The following RCOR1 variants were observed in gnomAD, a reference collection of about 807,000 sequenced individuals.
RCOR1 encodes the protein REST corepressor.
A neutral mutation model predicts 64.0 loss-of-function variants in RCOR1; 12 were observed. The observed-to-expected ratio is 0.19, with a 90% CI of 0.12 to 0.30. RCOR1 has a LOEUF of 0.30. RCOR1 is among the 10% of genes least tolerant of loss of function. RCOR1 has a pLI of 1.00. For missense variants in RCOR1, 502 were observed against 621.2 expected, an observed-to-expected ratio of 0.81 and a Z score of 2.04; for synonymous variants, 279 against 227.2, an observed-to-expected ratio of 1.23 and a Z score of -2.05.
chr14:102,610,635 T>C (rs528420400), intron 2 of RCOR1, among the ~76,000 whole-genome samples: 1 of 152,272 alleles, frequency 6.6e-6, no homozygotes, highest in East Asian at 1.9e-4. Context: ...CCATCTCAGC[T>C]TACTGCAAGC....
chr14:102,730,067 A>G lies in RCOR1; in HGVS notation c.*3561A>G. On this transcript the variant is annotated 3_prime_UTR_variant, in exon 12 of 12. Transcript: ENST00000262241. ...TAAAGCACAATTGCAGTGGCGTCGC[A>G]TTCAGAAGAAGGGAAGGTCAGCAGA... 2.5e-6 allele frequency: 1 copy of G among 399,074 alleles called. No homozygotes were observed. The highest frequency in any genetic ancestry group is 4.4e-6 in the Non-Finnish European group (1 of 226,078). The allele number at this position is 399,074 out of a possible 1,614,324, so 24.7% of individuals were successfully genotyped here.
intron 2 of RCOR1, among the ~76,000 whole-genome samples, chr14:102,617,995 C>G (rs1893799225): frequency 8.3e-6 from 1 of 120,442 alleles, no homozygotes; most frequent in South Asian, 2.7e-4. Context: ...TTTTGTGAGA[C>G]AGAGTCTTGC....
chr14:102,712,209 C>T (rs1302620445), intron 7 of RCOR1, among the ~76,000 whole-genome samples: 3 of 151,796 alleles, frequency 2.0e-5, no homozygotes, highest in Admixed American at 1.3e-4. Context: ...TTGAGACAGT[C>T]TCTCACTCTG....
chr14:102,679,215 G>A (rs1895253510), intron 2 of RCOR1, among the ~76,000 whole-genome samples: 1 of 152,060 alleles, frequency 6.6e-6, no homozygotes, highest in African/African-American at 2.4e-5. Flanking sequence ...AGATTTCCAT[G>A]TGTTTTTCTT....
At chr14:102,648,009 C>G (rs1894510920) in intron 2 of RCOR1, among the ~76,000 whole-genome samples, 1 of 152,140 alleles carries the variant, frequency 6.6e-6, no homozygotes. Context: ...TCATATTATT[C>G]CAGATTTGGC....
rs116172092 is a variant in RCOR1 at position 102,599,421 on chromosome 14, C to T, written c.361+6096C>T. ...TGCTGGGCTTACAGGTGTGAGCCAC[C>T]GTGTTCAGCCATTATTATTACTATT... On this transcript the variant is annotated intron_variant, in intron 2 of 11. Transcript: ENST00000262241. Among the ~76,000 whole-genome samples, 1,425 of 152,102 alleles carry T rather than the reference C, an allele frequency of 9.4e-3. 25 individuals are homozygous for T. Among genetic ancestry groups the T allele is most frequent in the African/African-American group, 0.033 (1,351 of 41,472 alleles).
intron 2 of RCOR1, among the ~76,000 whole-genome samples, chr14:102,596,785 G>A (rs1349477035): frequency 2.0e-5 from 3 of 151,534 alleles, no homozygotes; most frequent in Non-Finnish European, 4.4e-5. Flanking sequence ...GGCTGGTCTC[G>A]AACTCTTTGC....
At chr14:102,692,779 T>C in intron 3 of RCOR1, among the ~76,000 whole-genome samples, 1 of 148,756 alleles carries the variant, frequency 6.7e-6, no homozygotes, top group South Asian at 2.1e-4. Flanking sequence ...TTTTTTTTTT[T>C]TTTTTTGAGA....
At chr14:102,613,845 C>T (rs1294859378) in intron 2 of RCOR1, among the ~76,000 whole-genome samples, 3 of 150,536 alleles carry the variant, frequency 2.0e-5, no homozygotes, top group Admixed American at 6.6e-5. Flanking sequence ...AGTGAACCAC[C>T]GCGCCTGGCT....
chr14:102,680,196 A>G (rs531720275), intron 2 of RCOR1, among the ~76,000 whole-genome samples: 11 of 152,238 alleles, frequency 7.2e-5, no homozygotes, highest in Non-Finnish European at 1.2e-4. Context: ...GCTGGTATAT[A>G]GAAATAGAAT....
At chr14:102,708,840 C>A (rs1256049152) in intron 6 of RCOR1, among the ~76,000 whole-genome samples, 1 of 151,996 alleles carries the variant, frequency 6.6e-6, no homozygotes, top group Non-Finnish European at 1.5e-5. Context: ...AGGGGTGGCT[C>A]CTTTTAATAA....
chr14:102,608,188 CAT>C (rs1327291454), intron 2 of RCOR1, among the ~76,000 whole-genome samples: 4 of 152,184 alleles, frequency 2.6e-5, no homozygotes, highest in South Asian at 2.1e-4. Flanking sequence ...GAAAATCTCA[CAT>C]GTGTTAGAAT....
intron 2 of RCOR1, among the ~76,000 whole-genome samples, chr14:102,624,125 G>A (rs1413278801): frequency 4.6e-5 from 7 of 152,130 alleles, no homozygotes; most frequent in Non-Finnish European, 8.8e-5. Context: ...GAACCTGGGA[G>A]GCGGAGCTTG....
chr14:102,593,510 T>C (rs879277239), intron 2 of RCOR1, among the ~76,000 whole-genome samples, 185 bp downstream of exon 2: 1 of 152,180 alleles, frequency 6.6e-6, no homozygotes, highest in Non-Finnish European at 1.5e-5. Context: ...CAAACGTGCC[T>C]CTGCACCCGG....
At chr14:102,639,254 T>C (rs1009106984) in intron 2 of RCOR1, among the ~76,000 whole-genome samples, 1 of 129,504 alleles carries the variant, frequency 7.7e-6, no homozygotes, top group African/African-American at 2.8e-5. Flanking sequence ...ACTCTTTGTT[T>C]TCTTTCTTTC....
intron 2 of RCOR1, among the ~76,000 whole-genome samples, chr14:102,655,764 C>G (rs1171245081): frequency 6.6e-6 from 1 of 151,966 alleles, no homozygotes; most frequent in Admixed American, 6.6e-5. Flanking sequence ...ACCAGCCTGG[C>G]CAACATGGTG....
intron 2 of RCOR1, among the ~76,000 whole-genome samples, chr14:102,600,670 A>C (rs938161614): frequency 6.7e-6 from 1 of 149,368 alleles, no homozygotes; most frequent in Non-Finnish European, 1.5e-5. Context: ...TCCTGGGTTC[A>C]CGCCATTCTC....
intron 2 of RCOR1, among the ~76,000 whole-genome samples, chr14:102,663,815 T>C (rs1435311144): frequency 1.3e-5 from 2 of 152,198 alleles, no homozygotes. Context: ...TGTGGCGAAA[T>C]TACATTGGTG....
intron 2 of RCOR1, among the ~76,000 whole-genome samples, chr14:102,635,134 C>T (rs777864622): frequency 2.0e-5 from 3 of 152,078 alleles, no homozygotes; most frequent in African/African-American, 4.8e-5. Flanking sequence ...GCACCCAGTC[C>T]AATGTTTCCT....
Sources: gnomAD v4.1 joint callset for allele counts (sites outside exome capture counted in the v4.1 genomes callset) on GRCh38, gnomAD v4.1.1 for gene constraint, MANE v1.5 for transcripts, NCBI Gene and HGNC (gene_info 2026-07-23, HGNC 2026-07-21) for gene names.